Variants in KCND2 observed in about 807,000 individuals in gnomAD.
KCND2 encodes the protein A-type voltage-gated potassium channel KCND2.
KCND2 carries 16 observed loss-of-function variants against 54.4 expected under a neutral mutation model. The ratio of observed to expected loss-of-function variants is 0.29; its 90% CI spans 0.20 to 0.45. KCND2 has a LOEUF of 0.45. Ranked by LOEUF, KCND2 falls within the 20% of genes least tolerant of loss-of-function variation. KCND2 has a pLI of 1.00. For missense variants in KCND2, 486 were observed against 824.2 expected, an observed-to-expected ratio of 0.59 and a Z score of 5.02; for synonymous variants, 317 against 310.7, an observed-to-expected ratio of 1.02 and a Z score of -0.21.
At chr7:120,460,527 A>T (rs1802268292) in intron 1 of KCND2, among the ~76,000 whole-genome samples, 1 of 149,466 alleles carries the variant, frequency 6.7e-6, no homozygotes, top group African/African-American at 2.5e-5. Context: ...GTTACTAAAA[A>T]CTTAAAGAGA....
chr7:120,551,801 G>C (rs887723892), intron 1 of KCND2, among the ~76,000 whole-genome samples: 1 of 152,118 alleles, frequency 6.6e-6, no homozygotes. Flanking sequence ...TAATATTCAT[G>C]GGATGTTCAT....
chr7:120,633,835 T>TA (rs1410290092), intron 1 of KCND2, among the ~76,000 whole-genome samples: 3 of 152,226 alleles, frequency 2.0e-5, no homozygotes, highest in Non-Finnish European at 4.4e-5. Flanking sequence ...GCACTATGGT[T>TA]AAGCAAATTT....
At chr7:120,507,795 C>A (rs777625090) in intron 1 of KCND2, among the ~76,000 whole-genome samples, 4 of 151,718 alleles carry the variant, frequency 2.6e-5, no homozygotes, top group Non-Finnish European at 4.4e-5. Context: ...ATTTTCTTTG[C>A]TTACACTAAA....
chr7:120,481,297 G>A (rs1002559975), intron 1 of KCND2, among the ~76,000 whole-genome samples: 3 of 152,186 alleles, frequency 2.0e-5, no homozygotes, highest in Admixed American at 1.3e-4. Flanking sequence ...GTAGGCTGTT[G>A]CATGGCTACT....
chr7:120,309,771 A>G (rs1799708885), intron 1 of KCND2, among the ~76,000 whole-genome samples: 1 of 151,980 alleles, frequency 6.6e-6, no homozygotes, highest in Non-Finnish European at 1.5e-5. Flanking sequence ...TGATCTTGTC[A>G]CTGTCTAGTT....
chr7:120,568,072 C>CA (rs566343950), intron 1 of KCND2, among the ~76,000 whole-genome samples: 175 of 145,350 alleles, frequency 1.2e-3, no homozygotes, highest in South Asian at 1.5e-3. Flanking sequence ...TTTAAAGCAT[C>CA]AAAAAAAAAA....
intron 1 of KCND2, among the ~76,000 whole-genome samples, chr7:120,434,618 A>G (rs752998222): frequency 3.3e-5 from 5 of 152,212 alleles, no homozygotes; most frequent in African/African-American, 7.2e-5. Flanking sequence ...ATTGCAGTGA[A>G]ACGTAGTGGC....
At chr7:120,689,832 A>G (rs901356858) in intron 1 of KCND2, among the ~76,000 whole-genome samples, 4 of 152,188 alleles carry the variant, frequency 2.6e-5, no homozygotes, top group Admixed American at 6.5e-5. Flanking sequence ...TTTAGGGAAT[A>G]TTCTCCATTA....
intron 1 of KCND2, among the ~76,000 whole-genome samples, chr7:120,712,989 G>A (rs941846650): frequency 3.3e-5 from 5 of 152,088 alleles, no homozygotes; most frequent in South Asian, 2.1e-4. Context: ...TCATGCCCAC[G>A]TAGCCCTTGT....
rs1427912875 is a variant in KCND2, at chr7:120,746,008, A to G, written c.1696A>G (p.Arg566Gly). Residue 566 changes from arginine (R) to glycine (G), a missense_variant, in exon 5 of 6, where the codon AGA (arginine) becomes GGA (glycine). By Grantham distance (125) the Arg-to-Gly change is moderately radical. Around this residue, in one of 7 missense-constraint regions of KCND2, gnomAD observed 202 missense variants for 252.7 expected, o/e 0.80. Coordinates refer to ENST00000331113, the MANE Select transcript of KCND2 (RefSeq NM_012281.3). ...LSTIQIRCVE[R>G]TPLSNSRSSL... ...CACGATTCAGATCAGATGTGTGGAGAGAACACCTCTGTCTAACAGGTACCT... is the reference window on the plus strand; with the variant it reads ...CACGATTCAGATCAGATGTGTGGAGGGAACACCTCTGTCTAACAGGTACCT... 1.2e-6 allele frequency: 2 copies of G among 1,613,370 alleles called. No individual in the cohort carries two copies. Among genetic ancestry groups the G allele is most frequent in the East Asian group, 2.2e-5 (1 of 44,852 alleles).
At chr7:120,301,099 AT>A (rs1207560211) in intron 1 of KCND2, among the ~76,000 whole-genome samples, 1 of 152,184 alleles carries the variant, frequency 6.6e-6, no homozygotes, top group African/African-American at 2.4e-5. Flanking sequence ...ATATACAACA[AT>A]AAAACAATAA....
intron 1 of KCND2, among the ~76,000 whole-genome samples, chr7:120,580,508 G>C (rs1792501699): frequency 1.3e-5 from 2 of 152,256 alleles, no homozygotes; most frequent in South Asian, 4.1e-4. Context: ...CCACCAATCA[G>C]AATCAGGGTA....
chr7:120,315,883 A>G (rs1023568779), intron 1 of KCND2, among the ~76,000 whole-genome samples: 1 of 151,658 alleles, frequency 6.6e-6, no homozygotes, highest in Admixed American at 6.6e-5. Context: ...AACTGATGAA[A>G]ATTGAAGGTG....
chr7:120,477,937 CTTCTCAATTTAT>C (rs536929641), intron 1 of KCND2, among the ~76,000 whole-genome samples: 272 of 152,226 alleles, frequency 1.8e-3, no homozygotes, highest in Middle Eastern at 0.01. Flanking sequence ...TTGTCACAAA[CTTCTCAATTTAT>C]TTCTCATCAC....
intron 1 of KCND2, among the ~76,000 whole-genome samples, chr7:120,722,028 C>T (rs979710058): frequency 1.7e-4 from 26 of 152,288 alleles, no homozygotes; most frequent in African/African-American, 5.5e-4. Context: ...CTTGCTTCAT[C>T]TTCCTCCATG....
At chr7:120,520,283 C>T (rs1206890004) in intron 1 of KCND2, among the ~76,000 whole-genome samples, 7 of 151,820 alleles carry the variant, frequency 4.6e-5, no homozygotes, top group African/African-American at 1.5e-4. Context: ...TTATGAAATA[C>T]TCCTAAATAT....
At chr7:120,432,733 C>T (rs546636544) in intron 1 of KCND2, among the ~76,000 whole-genome samples, 3 of 152,230 alleles carry the variant, frequency 2.0e-5, no homozygotes, top group Admixed American at 2.0e-4. Context: ...CAACCTCCAC[C>T]TCTATGGATA....
intron 1 of KCND2, among the ~76,000 whole-genome samples, chr7:120,524,757 G>A (rs1791752480): frequency 6.6e-6 from 1 of 152,128 alleles, no homozygotes; most frequent in African/African-American, 2.4e-5. Flanking sequence ...CACATTCTAT[G>A]AAGCTTAAAA....
At chr7:120,375,284 C>T (rs1213061073) in intron 1 of KCND2, among the ~76,000 whole-genome samples, 1 of 151,732 alleles carries the variant, frequency 6.6e-6, no homozygotes, top group Admixed American at 6.6e-5. Context: ...CCACAAAATA[C>T]TATTAAAAAT....
Sources: allele counts gnomAD v4.1 joint callset (sites outside exome capture counted in the v4.1 genomes callset), GRCh38; gene constraint gnomAD v4.1.1; regional missense constraint gnomAD v4.1.1; transcripts MANE v1.5; gene names NCBI Gene and HGNC (gene_info 2026-07-23, HGNC 2026-07-21).